ZNF217: variants seen among roughly 807,000 people sequenced by gnomAD.
ZNF217 encodes zinc finger protein 217.
Under a neutral mutation model 73.3 loss-of-function variants are expected in ZNF217, and 12 were observed. The observed-to-expected ratio is 0.16, with a 90% confidence interval of 0.10 to 0.27. The LOEUF is 0.27. Among genes scored for constraint, ZNF217 ranks in the 10% least tolerant of loss-of-function variants. The pLI is 1.00. For missense variants in ZNF217, 1,195 were observed against 1,327.8 expected, an observed-to-expected ratio of 0.90 and a Z score of 1.55; for synonymous variants, 588 against 516.4, an observed-to-expected ratio of 1.14 and a Z score of -1.88.
chr20:53,578,401 C>G lies in ZNF217; in HGVS notation c.1416G>C (p.Glu472Asp). The G allele has an allele frequency of 6.3e-7, 1 of 1,595,940 alleles. No individual in the cohort carries two copies. The highest frequency in any genetic ancestry group is 8.5e-7 in the Non-Finnish European group (1 of 1,174,528). Residue 472 changes from glutamate to aspartate, a missense_variant, in exon 3 of 6, where the codon GAG becomes GAC. Transcript: ENST00000371471. Reference protein sequence around the residue: ...GKIKHLTSSRECSYCGKFFRS... With the variant: ...GKIKHLTSSRDCSYCGKFFRS... ...GGAAAAACTTTCCACAATAACTACA[C>G]TCTCTTGAAGATGTAAGATGTTTTA...
At chr20:53,593,328 G>T (rs1282992349) in intron 1 of ZNF217, among the ~76,000 whole-genome samples, 3 of 152,258 alleles carry the variant, frequency 2.0e-5, no homozygotes, top group South Asian at 4.1e-4. Flanking sequence ...ATCGCGGGGG[G>T]ACCCTACGCC....
chr20:53,597,386 G>A (rs1989060305), upstream of ZNF217, among the ~76,000 whole-genome samples: 1 of 152,068 alleles, frequency 6.6e-6, no homozygotes, highest in Non-Finnish European at 1.5e-5. Context: ...GAAAAAGTTA[G>A]GCAAACCTGC....
chr20:53,571,664 C>T (rs567710269), intron 5 of ZNF217, 57 bp downstream of exon 5: 28 of 1,553,930 alleles, frequency 1.8e-5, no homozygotes, highest in Middle Eastern at 1.7e-4. Context: ...GCCCTGACCT[C>T]CCAAATGGCC....
upstream of ZNF217, among the ~76,000 whole-genome samples, chr20:53,594,362 G>A (rs1453512423): frequency 1.4e-5 from 1 of 69,794 alleles, no homozygotes; most frequent in Non-Finnish European, 2.8e-5. Context: ...TGCCTTCACC[G>A]GCCGCCCGGC....
At chr20:53,578,595 T>C (rs1988373190) in intron 2 of ZNF217, 145 bp from the exon 3 acceptor site, 1 of 558,064 alleles carries the variant, frequency 1.8e-6, no homozygotes, top group Non-Finnish European at 3.2e-6. Context: ...ACAAAACGGC[T>C]AGACACACAC....
chr20:53,585,545 G>A (rs750153868), intron 1 of ZNF217, among the ~76,000 whole-genome samples: 2 of 152,002 alleles, frequency 1.3e-5, no homozygotes, highest in East Asian at 3.9e-4. Context: ...TCCCCTCTCC[G>A]CCCAAAAAAA....
chr20:53,569,044 C>G lies in ZNF217; in HGVS notation c.*244G>C. ...AGGGACAAAATAGAGATTTCCAGTCCCCATGTATGTAAGTTCCAACTGTTC... is the reference window on the plus strand; with the variant it reads ...AGGGACAAAATAGAGATTTCCAGTCGCCATGTATGTAAGTTCCAACTGTTC... On this transcript the variant is annotated 3_prime_UTR_variant, in exon 6 of 6. Transcript: ENST00000371471. The G allele has an allele frequency of 1.0e-6, 1 of 1,003,996 alleles. No homozygotes were observed. The highest frequency in any genetic ancestry group is 1.2e-6 in the Non-Finnish European group (1 of 803,868). The allele number at this position is 1,003,996 out of a possible 1,614,324, so 62.2% of individuals were successfully genotyped here.
chr20:53,585,542 T>C (rs997521303), intron 1 of ZNF217, among the ~76,000 whole-genome samples: 4 of 152,206 alleles, frequency 2.6e-5, no homozygotes, highest in Admixed American at 2.6e-4. Context: ...GTCTCCCCTC[T>C]CCGCCCAAAA....
At chr20:53,577,302 T>C (rs1988320334) in intron 3 of ZNF217, 22 bp from the exon 4 acceptor site, 3 of 1,583,736 alleles carry the variant, frequency 1.9e-6, no homozygotes, top group Non-Finnish European at 1.7e-6. Context: ...AATGGCACTT[T>C]ATTATAGAAG....
chr20:53,584,608 T>C (rs985383061), intron 1 of ZNF217, among the ~76,000 whole-genome samples: 3 of 152,146 alleles, frequency 2.0e-5, no homozygotes, highest in Non-Finnish European at 4.4e-5. Flanking sequence ...GAGACCCGAG[T>C]TCTAGTCACA....
In ZNF217 at chr20:53,569,143, T is replaced by A; in HGVS notation, c.*145A>T. On this transcript the variant is annotated 3_prime_UTR_variant, in exon 6 of 6. Coordinates refer to ENST00000371471, the MANE Select transcript of ZNF217 (RefSeq NM_006526.3). ...ACACAACTGTAGTGTTCCTTGCAGA[T>A]TCCTCATATGTTTTATGTACAGTAC... is the stretch of plus-strand genomic sequence containing the variant. 1 of 1,339,536 alleles carries A rather than the reference T, an allele frequency of 7.5e-7. No homozygotes were observed. Among genetic ancestry groups the A allele is most frequent in the Non-Finnish European group, 9.9e-7 (1 of 1,009,026 alleles). 83.0% of individuals were successfully genotyped at this position (1,339,536 alleles called of 1,614,324 possible). A position where few individuals can be genotyped will look rare whatever the true frequency, so the allele number is the denominator to read the frequency against.
At chr20:53,583,453 T>C in intron 1 of ZNF217, among the ~76,000 whole-genome samples, 1 of 152,194 alleles carries the variant, frequency 6.6e-6, no homozygotes, top group Non-Finnish European at 1.5e-5. Context: ...GGTCAGAAAT[T>C]GTTAAATTCA....
upstream of ZNF217, chr20:53,593,859 G>A (rs1370295447): frequency 1.3e-5 from 2 of 151,178 alleles, no homozygotes; most frequent in African/African-American, 2.4e-5. Flanking sequence ...CGGGCGCGGA[G>A]GGGAGGGGGC....
chr20:53,582,658 T>A lies in ZNF217; in HGVS notation c.169A>T (p.Ile57Phe), dbSNP rs758203723. ...AAGGGCATATACCCCTCGATTTGGA[T>A]GACATTTTTTTCTTGTGTAGCTCGG... ...PFRATQEKNVIQIEGYMPLDC... is the reference protein window; with the variant it reads ...PFRATQEKNVFQIEGYMPLDC... Residue 57 changes from isoleucine to phenylalanine, a missense_variant, in exon 2 of 6, where the codon ATC (isoleucine) becomes TTC (phenylalanine). Physicochemically the swap from Ile to Phe is conservative, Grantham distance 21 (BLOSUM62 0). Around this residue, in one of 9 missense-constraint regions of ZNF217, gnomAD observed 147 missense variants for 184.3 expected, o/e 0.80. Transcript: ENST00000371471. The surrounding 1 kb of genome is among the most constrained non-coding windows in gnomAD (Gnocchi z 4.8). The A allele has an allele frequency of 5.6e-6, 9 of 1,614,058 alleles. No individual in the cohort carries two copies. The African/African-American group carries it at 1.2e-4, about 22-fold the overall frequency.
upstream of ZNF217, among the ~76,000 whole-genome samples, chr20:53,596,250 AAAG>A (rs1235557199): frequency 4.6e-5 from 7 of 152,056 alleles, no homozygotes; most frequent in Admixed American, 4.6e-4. Flanking sequence ...CAAAAAAAAA[AAAG>A]AGAGCGCCTT....
At chr20:53,580,772 C>T (rs1197354374) in intron 2 of ZNF217, among the ~76,000 whole-genome samples, 2 of 152,140 alleles carry the variant, frequency 1.3e-5, no homozygotes, top group Non-Finnish European at 1.5e-5. Flanking sequence ...TACTAGCTTG[C>T]CAGACAGAAA....
intron 1 of ZNF217, among the ~76,000 whole-genome samples, chr20:53,593,135 G>C (rs1988941483): frequency 6.6e-6 from 1 of 152,080 alleles, no homozygotes; most frequent in African/African-American, 2.4e-5. Flanking sequence ...CAGATTTTTG[G>C]GCACCCGAGG....
chr20:53,575,530 A>AC (rs1166776255), intron 4 of ZNF217, 197 bp downstream of exon 4: 1 of 553,760 alleles, frequency 1.8e-6, no homozygotes, highest in East Asian at 2.9e-5. Flanking sequence ...GTTAAGAGTT[A>AC]AACCCACAGA....
chr20:53,589,547 G>A (rs1396902136), intron 1 of ZNF217, among the ~76,000 whole-genome samples: 6 of 152,210 alleles, frequency 3.9e-5, no homozygotes, highest in Non-Finnish European at 7.3e-5. Context: ...AGATAGATGT[G>A]TACAAGAATT....
Sources: allele counts gnomAD v4.1 joint callset (sites outside exome capture counted in the v4.1 genomes callset), GRCh38; gene constraint gnomAD v4.1.1; regional missense constraint gnomAD v4.1.1; non-coding constraint Gnocchi (gnomAD v3.1); transcripts MANE v1.5; gene names NCBI Gene and HGNC (gene_info 2026-07-23, HGNC 2026-07-21).